ITSN2: variants seen among roughly 807,000 people sequenced by gnomAD.
The protein encoded by ITSN2 is intersectin-2.
ITSN2 carries 156 observed loss-of-function variants against 243.7 expected under a neutral mutation model. The observed-to-expected ratio is 0.64, with a 90% CI of 0.56 to 0.73. The LOEUF is 0.73. ITSN2 is among the 30% of genes least tolerant of loss of function. The pLI is 0.00. For synonymous variants in ITSN2, 703 were observed against 699.9 expected (o/e 1.00, Z -0.07); for missense variants, 1,801 against 1,996.1 (o/e 0.90, Z 1.86).
chr2:24,204,322 C>G lies in ITSN2; in HGVS notation c.4859G>C (p.Cys1620Ser), dbSNP rs1668618811. ...DTLNPKWNFN[C>S]QFFIKDLYQD... ...GTAGAGATCCTTAATAAAGAACTGG[C>G]AGTTAAAATTCCACTTGGGATTGAG... The change falls in exon 39 of 40, where the codon TGC becomes TCC. Residue 1620 changes from cysteine to serine, a missense_variant. Transcript: ENST00000355123. This position sits in a 1 kb window ranked among gnomAD's most constrained non-coding sequence, Gnocchi z 5.1. 6.2e-7 allele frequency: 1 copy of G among 1,614,070 alleles called. No homozygotes were observed. Among genetic ancestry groups the G allele is most frequent in the African/African-American group, 1.3e-5 (1 of 74,926 alleles).
chr2:24,326,650 C>T (rs1453616747), intron 2 of ITSN2: 1 of 168,996 alleles, frequency 5.9e-6, no homozygotes, highest in Non-Finnish European at 1.5e-5. Flanking sequence ...CCAATAGGAG[C>T]AATACTCACA....
At chr2:24,329,833 T>C (rs1242859055) in intron 1 of ITSN2, among the ~76,000 whole-genome samples, 4 of 152,220 alleles carry the variant, frequency 2.6e-5, no homozygotes, top group South Asian at 2.1e-4. Flanking sequence ...CACCATTTTA[T>C]AGCTAGCTTA....
At chr2:24,295,310 G>A (rs948642326) in intron 14 of ITSN2, among the ~76,000 whole-genome samples, 4 of 152,134 alleles carry the variant, frequency 2.6e-5, no homozygotes, top group Admixed American at 1.3e-4. Context: ...GAACTGTTTC[G>A]TTTTGTTTTG....
rs200633067 is a variant in ITSN2 at position 24,298,786 on chromosome 2, C to T, written c.1373G>A (p.Arg458His). Residue 458 changes from arginine to histidine, a missense_variant, in exon 13 of 40, where the codon CGT (arginine) becomes CAT (histidine). Physicochemically the swap from Arg to His is conservative, Grantham distance 29. Transcript: ENST00000355123. ...EAAKQELERQ[R>H]RLEWERIRRQ... ...CCGAATTCTCTCCCATTCTAAGCGA[C>T]GTTGTCGTTCAAGTTCCTGTTTTGC... The T allele has an allele frequency of 1.6e-5, 25 of 1,600,724 alleles. No individual in the cohort carries two copies. The highest frequency in any genetic ancestry group is 1.0e-4 in the Admixed American group (6 of 57,156).
chr2:24,209,142 A>G lies in ITSN2; in HGVS notation c.4553T>C (p.Ile1518Thr), dbSNP rs767614492. Residue 1518 changes from isoleucine (I) to threonine (T), a missense_variant, in exon 36 of 40, where the codon ATT becomes ACT. Physicochemically the swap from Ile to Thr is moderately conservative, Grantham distance 89 (BLOSUM62 -1). Coordinates refer to ENST00000355123, the MANE Select transcript of ITSN2 (RefSeq NM_006277.3). ...SDEPVFHISH[I>T]DRVYTLRTDN... The stretch of plus-strand genomic sequence containing the variant: ...TGTTCGGAGGGTGTAGACCCGATCA[A>G]TGTGGGAAATGTGGAAGACAGGCTC... 7.4e-6 allele frequency: 12 copies of G among 1,613,938 alleles called. No homozygotes were observed. The highest frequency in any genetic ancestry group is 6.7e-5 in the East Asian group (3 of 44,896).
chr2:24,243,175 C>T (rs1672937046), intron 29 of ITSN2, among the ~76,000 whole-genome samples: 1 of 152,144 alleles, frequency 6.6e-6, no homozygotes, highest in African/African-American at 2.4e-5. Flanking sequence ...TTTTCCAAAA[C>T]ATATTTGTAT....
chr2:24,285,447 C>T (rs1558553073), intron 16 of ITSN2, among the ~76,000 whole-genome samples: 1 of 152,120 alleles, frequency 6.6e-6, no homozygotes, highest in Non-Finnish European at 1.5e-5. Context: ...TGATAAAAGC[C>T]ATATGAAGAG....
At chr2:24,275,617 C>A in intron 18 of ITSN2, 96 bp downstream of exon 18, 1 of 998,510 alleles carries the variant, frequency 1.0e-6, no homozygotes, top group Non-Finnish European at 1.4e-6. Flanking sequence ...AGGATAATCC[C>A]TTTATTTTCC....
chr2:24,222,860 G>C (rs1421082398), intron 29 of ITSN2, among the ~76,000 whole-genome samples: 1 of 151,846 alleles, frequency 6.6e-6, no homozygotes, highest in African/African-American at 2.4e-5. Flanking sequence ...ATTTTTAGTA[G>C]AGATGGGGTT....
At chr2:24,285,125 G>A (rs983292468) in intron 16 of ITSN2, among the ~76,000 whole-genome samples, 2 of 152,020 alleles carry the variant, frequency 1.3e-5, no homozygotes, top group African/African-American at 4.8e-5. Context: ...TCGATCTCTT[G>A]ACCTCGTGAT....
chr2:24,220,714 G>T, intron 30 of ITSN2: 21 of 1,327,418 alleles, frequency 1.6e-5, no homozygotes, highest in Non-Finnish European at 1.9e-5. Context: ...CACTCTGAGT[G>T]ACCTCATCTG....
rs369405758 is a variant in ITSN2 at position 24,220,948 on chromosome 2, G to T, written c.3696C>A (p.Val1232=). 1.3e-6 allele frequency: 2 copies of T among 1,595,096 alleles called. No homozygotes were observed. The highest frequency in any genetic ancestry group is 1.7e-6 in the Non-Finnish European group (2 of 1,171,954). The change falls in exon 30 of 40, where the codon GTC becomes GTA. Residue 1232 remains valine, a synonymous_variant. Transcript: ENST00000355123. ...TAGCCAGCAGCAGCCTCCTCACCTCGACGACGAGCTGAAGGTCAGCCATGT... is the reference window on the plus strand; with the variant it reads ...TAGCCAGCAGCAGCCTCCTCACCTCTACGACGAGCTGAAGGTCAGCCATGT... ...ERYMADLQLV[V]EVFQKRMAES...
chr2:24,261,518 A>G (rs1342935162), intron 21 of ITSN2, 43 bp downstream of exon 21: 1 of 1,437,724 alleles, frequency 7.0e-7, no homozygotes, highest in Non-Finnish European at 9.7e-7. Context: ...GTATTTACAC[A>G]TTTGCAGATC....
intron 2 of ITSN2, among the ~76,000 whole-genome samples, chr2:24,322,437 CA>C (rs1684685883): frequency 6.6e-6 from 1 of 152,154 alleles, no homozygotes; most frequent in Non-Finnish European, 1.5e-5. Flanking sequence ...AATACACTCA[CA>C]AATATATTGT....
intron 38 of ITSN2, among the ~76,000 whole-genome samples, chr2:24,205,007 C>G (rs547179082): frequency 6.6e-6 from 1 of 152,014 alleles, no homozygotes; most frequent in Admixed American, 6.5e-5. Context: ...ATTTGCCAGG[C>G]GTGGTGGTGC....
In ITSN2 at chr2:24,298,674, C is replaced by T. The variant is rs1425159219; in HGVS notation, c.1485G>A (p.Leu495=). ...NSKKKNLHLE[L]EALNGKHQQI... ...TAAACTTCAGCCATACCAGTGCTTC[C>T]AACTCAAGATGAAGATTCTTCTTTT... Residue 495 remains leucine (L), a synonymous_variant, in exon 13 of 40, where the codon TTG becomes TTA. Coordinates refer to ENST00000355123, the MANE Select transcript of ITSN2 (RefSeq NM_006277.3). 1 of 1,599,794 alleles carries T rather than the reference C, an allele frequency of 6.3e-7. No homozygotes were observed. Among genetic ancestry groups the T allele is most frequent in the African/African-American group, 1.4e-5 (1 of 73,662 alleles).
intron 1 of ITSN2, among the ~76,000 whole-genome samples, chr2:24,335,597 G>T (rs913417466): frequency 6.6e-6 from 1 of 152,066 alleles, no homozygotes; most frequent in Non-Finnish European, 1.5e-5. Flanking sequence ...GCCTCCCAAA[G>T]TGCTGGGATT....
At chr2:24,287,415 C>T (rs72793208) in intron 15 of ITSN2, among the ~76,000 whole-genome samples, 29,436 of 152,016 alleles carry the variant, frequency 0.19, 3,292 homozygotes, top group Non-Finnish European at 0.26. Flanking sequence ...AGTTTCTGTA[C>T]AGGAGTTCAA....
At chr2:24,297,639 T>C (rs1168983286) in intron 13 of ITSN2, among the ~76,000 whole-genome samples, 1 of 152,128 alleles carries the variant, frequency 6.6e-6, no homozygotes, top group Non-Finnish European at 1.5e-5. Context: ...TGGGAAGAAT[T>C]AGGGAGAGAA....
Sources: gnomAD v4.1 joint callset for allele counts (sites outside exome capture counted in the v4.1 genomes callset) on GRCh38, gnomAD v4.1.1 for gene constraint, Gnocchi (gnomAD v3.1) non-coding constraint, MANE v1.5 for transcripts, NCBI Gene and HGNC (gene_info 2026-07-23, HGNC 2026-07-21) for gene names.